AGPAT4: variants seen among roughly 807,000 people sequenced by gnomAD.
AGPAT4 encodes the protein 1-acyl-sn-glycerol-3-phosphate acyltransferase delta.
Under a neutral mutation model 48.0 loss-of-function variants are expected in AGPAT4, and 15 were observed. That is an observed-to-expected ratio of 0.31 (90% CI 0.21 to 0.48). The LOEUF is 0.48. Among genes scored for constraint, AGPAT4 ranks in the 20% least tolerant of loss-of-function variants. The pLI, the probability that AGPAT4 is intolerant of heterozygous loss-of-function variation, is 0.99. For synonymous variants in AGPAT4, 178 were observed against 198.7 expected (o/e 0.90, Z 0.88); for missense variants, 314 against 482.5 (o/e 0.65, Z 3.27).
chr6:161,137,613 A>G lies in AGPAT4; in HGVS notation c.1043-979T>C, dbSNP rs1779108590. 6.6e-6 allele frequency among the ~76,000 whole-genome samples: 1 copy of G among 151,596 alleles called. No homozygotes were observed. The highest frequency in any genetic ancestry group is 1.5e-5 in the Non-Finnish European group (1 of 68,006). ...TGTAGAGCAGAAAGAAGTGAGTAAA[A>G]CGTGGACCGTGTGGCCTTGGAAGAG... On this transcript the variant is annotated intron_variant, in intron 8 of 8. Coordinates refer to ENST00000320285, the MANE Select transcript of AGPAT4 (RefSeq NM_020133.3). This position sits in a 1 kb window ranked among gnomAD's most constrained non-coding sequence, Gnocchi z 6.1.
Position 161,214,769 on chromosome 6 carries a change from AAAAT to A in AGPAT4, c.178+17263_178+17266del, listed in dbSNP as rs755528416. ...GGGTGACAGAGGAAGACTCCGTCTC[AAAAT>A]AAATAAATAAATAAATAATAAAATA... On this transcript the variant is annotated intron_variant, in intron 2 of 8. Coordinates refer to ENST00000320285, the MANE Select transcript of AGPAT4 (RefSeq NM_020133.3). The surrounding 1 kb of genome is among the most constrained non-coding windows in gnomAD (Gnocchi z 5.4). 6.6e-6 allele frequency among the ~76,000 whole-genome samples: 1 copy of A among 152,146 alleles called. No homozygotes were observed. The highest frequency in any genetic ancestry group is 2.4e-5 in the African/African-American group (1 of 41,426).
rs533180354 is a variant in AGPAT4 at position 161,164,060 on chromosome 6, G to A, written c.348+2188C>T. ...GGTGCGGTCCCTATGCTGCAGGTGG[G>A]ATGGGCGTGCTGTTGACTTGCTTTC... is the stretch of plus-strand genomic sequence containing the variant. On this transcript the variant is annotated intron_variant, in intron 3 of 8. Coordinates refer to ENST00000320285, the MANE Select transcript of AGPAT4 (RefSeq NM_020133.3). This position sits in a 1 kb window ranked among gnomAD's most constrained non-coding sequence, Gnocchi z 7.4. Among the ~76,000 whole-genome samples, 1 of 152,328 alleles carries A rather than the reference G, an allele frequency of 6.6e-6. No homozygotes were observed. The highest frequency in any genetic ancestry group is 1.9e-4 in the East Asian group (1 of 5,184).
At chr6:161,239,076 C>T (rs1311257565) in intron 1 of AGPAT4, among the ~76,000 whole-genome samples, 1 of 152,214 alleles carries the variant, frequency 6.6e-6, no homozygotes, top group Non-Finnish European at 1.5e-5. Flanking sequence ...CACTCTAGCA[C>T]TGAATTTCTC....
chr6:161,270,127 C>A lies in AGPAT4; in HGVS notation c.-90+3811G>T, dbSNP rs1230645410. 1.3e-5 allele frequency among the ~76,000 whole-genome samples: 2 copies of A among 152,176 alleles called. No individual in the cohort carries two copies. The highest frequency in any genetic ancestry group is 1.3e-4 in the Admixed American group (2 of 15,278). On this transcript the variant is annotated intron_variant, in intron 1 of 8. Transcript: ENST00000320285. The surrounding 1 kb of genome is among the most constrained non-coding windows in gnomAD (Gnocchi z 5.3). ...AGTCATGGGGTTTCCCTTGTAAACC[C>A]ATTTGAAAACTATAACTATTTAAAC...
At chr6:161,176,554 T>A (rs1248788184) in intron 2 of AGPAT4, among the ~76,000 whole-genome samples, 1 of 152,194 alleles carries the variant, frequency 6.6e-6, no homozygotes, top group Admixed American at 6.5e-5. Flanking sequence ...GAGATGGGTC[T>A]CCTGAATACA....
Position 161,198,057 on chromosome 6 carries a change from TTTTG to T in AGPAT4, c.179-31644_179-31641del, listed in dbSNP as rs1781119661. ...TCATACTTCATTCTTCCCACTCTTC[TTTTG>T]TTTAATATTTTAAAATATTTCCCTT... is the stretch of plus-strand genomic sequence containing the variant. On this transcript the variant is annotated intron_variant, in intron 2 of 8. Transcript: ENST00000320285. The surrounding 1 kb of genome is among the most constrained non-coding windows in gnomAD (Gnocchi z 4.3). Among the ~76,000 whole-genome samples, 1 of 152,200 alleles carries T rather than the reference TTTTG, an allele frequency of 6.6e-6. No homozygotes were observed. Among genetic ancestry groups the T allele is most frequent in the South Asian group, 2.1e-4 (1 of 4,830 alleles).
At chr6:161,152,354 C>T (rs893304563) in intron 5 of AGPAT4, among the ~76,000 whole-genome samples, 16 of 152,138 alleles carry the variant, frequency 1.1e-4, no homozygotes, top group Non-Finnish European at 1.6e-4. Flanking sequence ...CAGAAGGGAG[C>T]GGGGCTGGCG....
rs1412340421 is a variant in AGPAT4 at position 161,216,362 on chromosome 6, TC to T, written c.178+15673del. Among the ~76,000 whole-genome samples, 1 of 152,180 alleles carries T rather than the reference TC, an allele frequency of 6.6e-6. No individual in the cohort carries two copies. The highest frequency in any genetic ancestry group is 1.9e-4 in the East Asian group (1 of 5,182). On this transcript the variant is annotated intron_variant, in intron 2 of 8. Transcript: ENST00000320285. The surrounding 1 kb of genome is among the most constrained non-coding windows in gnomAD (Gnocchi z 4.8). ...AGCAAACGTCTGCAACAAGTGCGTC[TC>T]TTGTCCAGGATGACAGACAACCTCT...
At position 161,169,187 on chromosome 6, in the gene AGPAT4, A is replaced by T. The variant is rs950135208; in HGVS notation, c.179-2770T>A. Among the ~76,000 whole-genome samples, 5 of 152,136 alleles carry T rather than the reference A, an allele frequency of 3.3e-5. No individual in the cohort carries two copies. Among genetic ancestry groups the T allele is most frequent in the African/African-American group, 1.2e-4 (5 of 41,404 alleles). Reference sequence around the variant, plus strand: ...CCAGAGTAAGGAGTTATGATTTATGATTTCATTCTAAAGGCAATATAAAAA... The same window carrying T: ...CCAGAGTAAGGAGTTATGATTTATGTTTTCATTCTAAAGGCAATATAAAAA... On this transcript the variant is annotated intron_variant, in intron 2 of 8. Coordinates refer to ENST00000320285, the MANE Select transcript of AGPAT4 (RefSeq NM_020133.3). The surrounding 1 kb of genome is among the most constrained non-coding windows in gnomAD (Gnocchi z 5.0).
chr6:161,200,446 C>T lies in AGPAT4; in HGVS notation c.178+31590G>A, dbSNP rs958315350. 2.0e-5 allele frequency among the ~76,000 whole-genome samples: 3 copies of T among 152,148 alleles called. No homozygotes were observed. Among genetic ancestry groups the T allele is most frequent in the African/African-American group, 2.4e-5 (1 of 41,434 alleles). On this transcript the variant is annotated intron_variant, in intron 2 of 8. Transcript: ENST00000320285. The surrounding 1 kb of genome is among the most constrained non-coding windows in gnomAD (Gnocchi z 5.5). ...ATCTCCAAATAACCACAGTACAATC[C>T]TAATTATCTATGAGAAGGCCTGCAC...
Position 161,189,602 on chromosome 6 carries a change from T to C in AGPAT4, c.179-23185A>G, listed in dbSNP as rs1780865294. Reference sequence around the variant, plus strand: ...AACTTGCCCCAGGCCACTGAGACGGTACGGACTTCTGTCTGTGCTGTACAC... The same window carrying C: ...AACTTGCCCCAGGCCACTGAGACGGCACGGACTTCTGTCTGTGCTGTACAC... On this transcript the variant is annotated intron_variant, in intron 2 of 8. Coordinates refer to ENST00000320285, the MANE Select transcript of AGPAT4 (RefSeq NM_020133.3). This position sits in a 1 kb window ranked among gnomAD's most constrained non-coding sequence, Gnocchi z 5.3. Among the ~76,000 whole-genome samples, 1 of 152,186 alleles carries C rather than the reference T, an allele frequency of 6.6e-6. No individual in the cohort carries two copies. Among genetic ancestry groups the C allele is most frequent in the Non-Finnish European group, 1.5e-5 (1 of 67,994 alleles).
intron 2 of AGPAT4, among the ~76,000 whole-genome samples, chr6:161,170,471 GCGCACA>G (rs56956595): frequency 0.36 from 40,592 of 113,348 alleles, 5,815 homozygotes; most frequent in Middle Eastern, 0.44. Flanking sequence ...ACGTGCGCGC[GCGCACA>G]CACACACACA....
rs530628359 is a variant in AGPAT4, at chr6:161,197,607, C to A, written c.179-31190G>T. On this transcript the variant is annotated intron_variant, in intron 2 of 8. Transcript: ENST00000320285. This position sits in a 1 kb window ranked among gnomAD's most constrained non-coding sequence, Gnocchi z 5.7. Reference sequence around the variant, plus strand: ...TGTTTTCCTCTCCTGAACCACTCTGCCTCCTTGCCAGACATCTTTACATTC... The same window carrying A: ...TGTTTTCCTCTCCTGAACCACTCTGACTCCTTGCCAGACATCTTTACATTC... Among the ~76,000 whole-genome samples the A allele has an allele frequency of 2.0e-5, 3 of 152,290 alleles. No individual in the cohort carries two copies. In the South Asian group the frequency reaches 6.2e-4, roughly 32 times the overall value.
At position 161,138,150 on chromosome 6, in the gene AGPAT4, TG is replaced by T. The variant is rs113412922; in HGVS notation, c.1042+1271del. ...TGGCCAGCCTCAGCATGGCGGGGCA[TG>T]GGGGTGCCCCTGGACCTGCCTTAAG... is the stretch of plus-strand genomic sequence containing the variant. On this transcript the variant is annotated intron_variant, in intron 8 of 8. Coordinates refer to ENST00000320285, the MANE Select transcript of AGPAT4 (RefSeq NM_020133.3). This position sits in a 1 kb window ranked among gnomAD's most constrained non-coding sequence, Gnocchi z 4.8. Among the ~76,000 whole-genome samples the T allele has an allele frequency of 6.6e-6, 1 of 152,238 alleles. No individual in the cohort carries two copies. The highest frequency in any genetic ancestry group is 2.4e-5 in the African/African-American group (1 of 41,470).
chr6:161,198,002 TTC>T lies in AGPAT4; in HGVS notation c.179-31587_179-31586del, dbSNP rs1781117765. On this transcript the variant is annotated intron_variant, in intron 2 of 8. Transcript: ENST00000320285. The surrounding 1 kb of genome is among the most constrained non-coding windows in gnomAD (Gnocchi z 4.3). The stretch of plus-strand genomic sequence containing the variant: ...CTTTTTGATACGATGCATTTTCTAT[TTC>T]TGTTTCCCCCAACTCTTCTTCAGTC... Among the ~76,000 whole-genome samples, 2 of 152,202 alleles carry T rather than the reference TTC, an allele frequency of 1.3e-5. No individual in the cohort carries two copies. The highest frequency in any genetic ancestry group is 4.1e-4 in the South Asian group (2 of 4,826).
At chr6:161,230,455 C>G (rs910087327) in intron 2 of AGPAT4, among the ~76,000 whole-genome samples, 5 of 152,176 alleles carry the variant, frequency 3.3e-5, no homozygotes, top group African/African-American at 1.2e-4. Context: ...TAAATAGAGA[C>G]CAACTGCTAG....
At chr6:161,176,618 T>C (rs1315068226) in intron 2 of AGPAT4, among the ~76,000 whole-genome samples, 1 of 152,244 alleles carries the variant, frequency 6.6e-6, no homozygotes, top group African/African-American at 2.4e-5. Context: ...TGTCTTTTAA[T>C]TGGAGCATTT....
rs538114984 is a variant in AGPAT4, at chr6:161,136,436, C to G, written c.*104G>C. The G allele has an allele frequency of 1.9e-6, 2 of 1,044,050 alleles. No homozygotes were observed. The highest frequency in any genetic ancestry group is 1.9e-5 in the Admixed American group (1 of 51,878). The allele number at this position is 1,044,050 out of a possible 1,614,324, so 64.7% of individuals were successfully genotyped here. ...GGAGAGGTCGTGACTTCCGCCGTGC[C>G]CAGCAGGGGCTCACCCAGCCTTTGT... On this transcript the variant is annotated 3_prime_UTR_variant, in exon 9 of 9. Transcript: ENST00000320285.
At chr6:161,182,991 G>A (rs1780644587) in intron 2 of AGPAT4, among the ~76,000 whole-genome samples, 1 of 152,204 alleles carries the variant, frequency 6.6e-6, no homozygotes, top group African/African-American at 2.4e-5. Flanking sequence ...GAGGCAGGGA[G>A]AGGCCTGGCA....
Sources: allele counts gnomAD v4.1 joint callset (sites outside exome capture counted in the v4.1 genomes callset), GRCh38; gene constraint gnomAD v4.1.1; non-coding constraint Gnocchi (gnomAD v3.1); transcripts MANE v1.5; gene names NCBI Gene and HGNC (gene_info 2026-07-23, HGNC 2026-07-21).